The following YTHDC2 variants were observed in gnomAD, a reference collection of about 807,000 sequenced individuals.
YTHDC2 encodes the protein YTH N6-methyladenosine RNA binding protein C2, also known as 3'-5' RNA helicase YTHDC2.
A neutral mutation model predicts 174.9 loss-of-function variants in YTHDC2; 45 were observed. That is an observed-to-expected ratio of 0.26 (90% CI 0.20 to 0.33). The LOEUF (loss-of-function observed/expected upper bound fraction) is 0.33. YTHDC2 is among the 10% of genes least tolerant of loss of function. The pLI, the probability that YTHDC2 is intolerant of heterozygous loss-of-function variation, is 1.00. For synonymous variants in YTHDC2, 657 were observed against 574.5 expected, an observed-to-expected ratio of 1.14 and a Z score of -2.05; for missense variants, 1,650 against 1,723.7, an observed-to-expected ratio of 0.96 and a Z score of 0.76.
intron 12 of YTHDC2, 112 bp from the exon 13 acceptor site, chr5:113,553,069 T>G: frequency 1.9e-6 from 2 of 1,039,342 alleles, no homozygotes; most frequent in Non-Finnish European, 1.3e-6. Flanking sequence ...AGCTAGGACA[T>G]TAAGTGTCAC....
intron 9 of YTHDC2, among the ~76,000 whole-genome samples, chr5:113,541,770 C>G (rs1580531098): frequency 6.6e-6 from 1 of 151,648 alleles, no homozygotes; most frequent in Non-Finnish European, 1.5e-5. Flanking sequence ...TATAGATATG[C>G]ACGCTAAATA....
intron 8 of YTHDC2, among the ~76,000 whole-genome samples, chr5:113,539,399 C>G (rs1167902247): frequency 2.0e-5 from 3 of 151,964 alleles, no homozygotes; most frequent in African/African-American, 4.8e-5. Context: ...AAAGTGGGTG[C>G]CAGAGTTGAG....
intron 26 of YTHDC2, among the ~76,000 whole-genome samples, chr5:113,588,031 T>G (rs1778788581): frequency 6.6e-6 from 1 of 152,120 alleles, no homozygotes; most frequent in Non-Finnish European, 1.5e-5. Context: ...CTTTAGAATT[T>G]TAATTGCAGG....
intron 4 of YTHDC2, among the ~76,000 whole-genome samples, chr5:113,528,763 C>A (rs1308843171): frequency 1.3e-5 from 2 of 152,180 alleles, no homozygotes; most frequent in Non-Finnish European, 2.9e-5. Context: ...CCTGCCTTGG[C>A]CTCCCAAAGT....
chr5:113,531,816 A>G (rs1289066378), intron 4 of YTHDC2, among the ~76,000 whole-genome samples: 1 of 152,212 alleles, frequency 6.6e-6, no homozygotes, highest in East Asian at 1.9e-4. Context: ...GGCAGAAATT[A>G]AAAAATTGAT....
At chr5:113,591,662 T>A (rs558406756) in intron 27 of YTHDC2, among the ~76,000 whole-genome samples, 3 of 152,138 alleles carry the variant, frequency 2.0e-5, no homozygotes, top group Non-Finnish European at 2.9e-5. Context: ...ACATTTATTA[T>A]TTGATGTTTA....
chr5:113,563,761 A>T (rs1048808960), intron 19 of YTHDC2, 98 bp from the exon 20 acceptor site: 1 of 1,393,386 alleles, frequency 7.2e-7, no homozygotes, highest in African/African-American at 1.5e-5. Flanking sequence ...TAGCAAAAGA[A>T]AATCTATATT....
intron 1 of YTHDC2, chr5:113,514,300 T>C: frequency 1.4e-6 from 1 of 707,336 alleles, no homozygotes; most frequent in South Asian, 1.5e-5. Flanking sequence ...AATGGGGTTA[T>C]GGGCACTTTG....
intron 28 of YTHDC2, 158 bp from the exon 29 acceptor site, chr5:113,593,145 A>C (rs963914928): frequency 5.8e-5 from 29 of 503,546 alleles, no homozygotes; most frequent in African/African-American, 4.8e-4. Flanking sequence ...CCTTAAAGCA[A>C]AGAATTAGAA....
rs1302284019 is a variant in YTHDC2, at chr5:113,591,116, C to G, written c.3901C>G (p.Leu1301Val). The change falls in exon 27 of 30, where the codon CTT (leucine) becomes GTT (valine). Residue 1301 changes from leucine (L) to valine (V), a missense_variant. Physicochemically the swap from Leu to Val is conservative, Grantham distance 32. Coordinates refer to ENST00000161863, the MANE Select transcript of YTHDC2 (RefSeq NM_022828.5). ...AATGAAGAGTAGCAATTTGAGAAAC[C>G]TTGAAATTTCTCAACAGAAGGGTAT... ...FIMKSSNLRN[L>V]EISQQKGIWS... The G allele has an allele frequency of 1.9e-6, 3 of 1,613,764 alleles. No homozygotes were observed. The highest frequency in any genetic ancestry group is 1.3e-5 in the African/African-American group (1 of 74,880).
At chr5:113,543,717 A>T (rs73781706) in intron 10 of YTHDC2, among the ~76,000 whole-genome samples, 2,261 of 152,248 alleles carry the variant, frequency 0.015, 63 homozygotes, top group African/African-American at 0.051. Context: ...TTCCTCCTTG[A>T]TCTTATTTTT....
rs748713268 is a variant in YTHDC2 at position 113,563,871 on chromosome 5, A to G, written c.2455A>G (p.Met819Val). 22 of 1,614,028 alleles carry G rather than the reference A, an allele frequency of 1.4e-5. No homozygotes were observed. The highest frequency in any genetic ancestry group is 1.2e-4 in the South Asian group (11 of 91,080). ...AVQMLKTIDAMDTWEDLTELG... is the reference protein window; with the variant it reads ...AVQMLKTIDAVDTWEDLTELG... ...TCCTTTTACTTAGACAATAGATGCAATGGATACATGGGAAGATCTGACTGA... is the reference window on the plus strand; with the variant it reads ...TCCTTTTACTTAGACAATAGATGCAGTGGATACATGGGAAGATCTGACTGA... Residue 819 changes from methionine (M) to valine (V), a missense_variant, in exon 20 of 30, where the codon ATG becomes GTG. Met to Val is a conservative substitution (Grantham distance 21). Around this residue, in one of 5 missense-constraint regions of YTHDC2, gnomAD observed 913 missense variants for 940.4 expected, o/e 0.97. Coordinates refer to ENST00000161863, the MANE Select transcript of YTHDC2 (RefSeq NM_022828.5).
At position 113,533,032 on chromosome 5, in the gene YTHDC2, C is replaced by A; in HGVS notation, c.829C>A (p.Arg277=). Residue 277 remains arginine, a synonymous_variant, in exon 5 of 30, where the codon CGA becomes AGA. Coordinates refer to ENST00000161863, the MANE Select transcript of YTHDC2 (RefSeq NM_022828.5). The stretch of plus-strand genomic sequence containing the variant: ...TGGTCAAACAATTGGTTATCAGATC[C>A]GATTAGAAAGCAGGTAAAAACAGTT... ...RIGQTIGYQI[R]LESRVSPKTL... 4 of 1,613,942 alleles carry A rather than the reference C, an allele frequency of 2.5e-6. No individual in the cohort carries two copies. Among genetic ancestry groups the A allele is most frequent in the Non-Finnish European group, 3.4e-6 (4 of 1,179,970 alleles).
intron 7 of YTHDC2, among the ~76,000 whole-genome samples, chr5:113,536,855 G>T (rs1259107187): frequency 2.1e-5 from 3 of 143,492 alleles, no homozygotes; most frequent in South Asian, 2.2e-4. Context: ...ACAAAAATTG[G>T]TTTTATAAAC....
intron 23 of YTHDC2, among the ~76,000 whole-genome samples, chr5:113,574,347 C>T (rs1330963980): frequency 6.6e-6 from 1 of 151,930 alleles, no homozygotes; most frequent in Non-Finnish European, 1.5e-5. Flanking sequence ...GAAGTTCTGT[C>T]CTGGGGGTTA....
At chr5:113,522,142 T>TG (rs11403458) in intron 2 of YTHDC2, among the ~76,000 whole-genome samples, 3 of 28,598 alleles carry the variant, frequency 1.0e-4, no homozygotes, top group Non-Finnish European at 2.1e-4. Context: ...TTGTTTTTTG[T>TG]TTTTTTTTTT....
At chr5:113,551,564 C>T (rs1776253441) in intron 12 of YTHDC2, among the ~76,000 whole-genome samples, 1 of 152,034 alleles carries the variant, frequency 6.6e-6, no homozygotes, top group African/African-American at 2.4e-5. Context: ...GCTGAGAACA[C>T]ATGGACACAG....
At chr5:113,586,807 G>A (rs771903246) in intron 26 of YTHDC2, among the ~76,000 whole-genome samples, 39 of 146,208 alleles carry the variant, frequency 2.7e-4, no homozygotes, top group Admixed American at 7.7e-4. Context: ...AAATCAACTG[G>A]CCATAAATAT....
At chr5:113,570,992 C>G (rs545952272) in intron 23 of YTHDC2, among the ~76,000 whole-genome samples, 52 of 152,294 alleles carry the variant, frequency 3.4e-4, no homozygotes, top group South Asian at 1.7e-3. Flanking sequence ...GCCTGATTTC[C>G]TTGGCCTGAA....
Sources: gnomAD v4.1 joint callset for allele counts (sites outside exome capture counted in the v4.1 genomes callset) on GRCh38, gnomAD v4.1.1 for gene constraint, gnomAD v4.1.1 regional missense constraint, MANE v1.5 for transcripts, NCBI Gene and HGNC (gene_info 2026-07-23, HGNC 2026-07-21) for gene names.